The following PDE1C variants were observed in gnomAD, a reference collection of about 807,000 sequenced individuals.
PDE1C encodes the protein phosphodiesterase 1C.
Under a neutral mutation model 93.1 loss-of-function variants are expected in PDE1C, and 62 were observed. The observed-to-expected ratio is 0.67, with a 90% CI of 0.54 to 0.82. The LOEUF is 0.82. Ranked by LOEUF, PDE1C falls within the 40% of genes least tolerant of loss-of-function variation. The pLI, the probability that PDE1C is intolerant of heterozygous loss-of-function variation, is 0.00. For missense variants in PDE1C, 742 were observed against 884.6 expected (o/e 0.84, Z 2.04); for synonymous variants, 325 against 310.1 (o/e 1.05, Z -0.50).
At chr7:31,890,603 C>T (rs1798499941) in intron 2 of PDE1C, among the ~76,000 whole-genome samples, 1 of 152,194 alleles carries the variant, frequency 6.6e-6, no homozygotes, top group Admixed American at 6.5e-5. Flanking sequence ...AAAGCTCCCT[C>T]AGCCAGCAAA....
At chr7:32,314,428 C>G (rs1441201125) in intron 1 of PDE1C, among the ~76,000 whole-genome samples, 1 of 152,130 alleles carries the variant, frequency 6.6e-6, no homozygotes, top group Non-Finnish European at 1.5e-5. Flanking sequence ...GGGGAACATG[C>G]AATTAAAACA....
the PDE1C span, among the ~76,000 whole-genome samples, chr7:31,708,909 C>T: frequency 6.6e-6 from 1 of 152,176 alleles, no homozygotes; most frequent in Admixed American, 6.5e-5. Flanking sequence ...ACTTCTGATG[C>T]CCCAGCCACA....
intron 1 of PDE1C, among the ~76,000 whole-genome samples, chr7:32,282,851 A>G (rs375851723): frequency 5.9e-5 from 9 of 152,258 alleles, no homozygotes; most frequent in Admixed American, 3.3e-4. Context: ...AAGTGCTGAC[A>G]TTACAGGCAT....
intron 1 of PDE1C, among the ~76,000 whole-genome samples, chr7:32,242,220 C>T (rs932678944): frequency 6.6e-6 from 1 of 152,016 alleles, no homozygotes; most frequent in African/African-American, 2.4e-5. Flanking sequence ...AATGGTAGCC[C>T]ATGAAAACAA....
At chr7:31,963,138 T>C (rs999700361) in intron 2 of PDE1C, among the ~76,000 whole-genome samples, 10 of 152,136 alleles carry the variant, frequency 6.6e-5, no homozygotes, top group African/African-American at 2.2e-4. Flanking sequence ...ACATCATTAA[T>C]AAAAATAAAA....
the PDE1C span, among the ~76,000 whole-genome samples, chr7:31,682,937 TAGAG>T: frequency 3.3e-5 from 5 of 152,020 alleles, no homozygotes; most frequent in Non-Finnish European, 7.4e-5. Flanking sequence ...AATAAAATGA[TAGAG>T]AGAGAGGACA....
At chr7:31,879,469 T>A (rs1796988678) in intron 3 of PDE1C, among the ~76,000 whole-genome samples, 2 of 152,346 alleles carry the variant, frequency 1.3e-5, no homozygotes, top group South Asian at 4.1e-4. Flanking sequence ...GAGTGAAATT[T>A]AAACCTTCTA....
At chr7:32,048,919 C>T (rs1221690144) in intron 2 of PDE1C, among the ~76,000 whole-genome samples, 1 of 152,132 alleles carries the variant, frequency 6.6e-6, no homozygotes, top group East Asian at 1.9e-4. Flanking sequence ...CAACAGCATT[C>T]ACGTCAGATA....
intron 2 of PDE1C, among the ~76,000 whole-genome samples, chr7:31,906,631 A>G (rs1480723611): frequency 6.6e-6 from 1 of 152,262 alleles, no homozygotes; most frequent in East Asian, 1.9e-4. Context: ...GGAACCTTCA[A>G]GTTGGGTGAG....
At chr7:32,420,734 G>A (rs1463728343) in intron 1 of PDE1C, among the ~76,000 whole-genome samples, 8 of 150,158 alleles carry the variant, frequency 5.3e-5, no homozygotes, top group Non-Finnish European at 1.2e-4. Context: ...TTTTTTTTAA[G>A]TATCTTTACT....
At chr7:31,729,856 T>C in the PDE1C span, among the ~76,000 whole-genome samples, 77 of 152,316 alleles carry the variant, frequency 5.1e-4, no homozygotes, top group African/African-American at 1.7e-3. Flanking sequence ...CTCAGGAGCC[T>C]TCTGTAGACA....
rs569177023 is a variant in PDE1C at position 32,211,010 on chromosome 7, C to G, written c.86-1471G>C. On this transcript the variant is annotated intron_variant, in intron 1 of 18. Coordinates refer to the PDE1C transcript ENST00000396193. ...GCGGTCGGGTCACGAGGTCAGGAGA[C>G]CAGCCTGCCCAAGATGGTGAAACCC... Among the ~76,000 whole-genome samples the G allele has an allele frequency of 2.6e-5, 4 of 152,176 alleles. No individual in the cohort carries two copies. The East Asian group carries it at 7.7e-4, about 29-fold the overall frequency.
intron 1 of PDE1C, among the ~76,000 whole-genome samples, chr7:32,285,791 AG>A (rs1811961818): frequency 9.8e-6 from 1 of 101,760 alleles, no homozygotes; most frequent in African/African-American, 3.8e-5. Flanking sequence ...AGGGGAGGGG[AG>A]GGGAAGAGAG....
intron 2 of PDE1C, among the ~76,000 whole-genome samples, chr7:32,188,230 T>TA (rs907843867): frequency 5.9e-5 from 9 of 151,482 alleles, no homozygotes; most frequent in East Asian, 3.9e-4. Context: ...GGGATTTTAC[T>TA]AAAAAAAATT....
chr7:32,043,293 C>T lies in PDE1C; in HGVS notation c.128+8261G>A, dbSNP rs142609769. On this transcript the variant is annotated intron_variant, in intron 2 of 17. Transcript: ENST00000396191. ...GAAGTTGAACTTGGCCCCAGCATGG[C>T]GGCCCTCACTAATGACTGATTCAAC... 1.3e-3 allele frequency among the ~76,000 whole-genome samples: 196 copies of T among 152,302 alleles called. 1 individual carries two copies. The highest frequency in any genetic ancestry group is 4.4e-3 in the African/African-American group (185 of 41,580).
the PDE1C span, among the ~76,000 whole-genome samples, chr7:31,625,669 G>A: frequency 6.6e-6 from 1 of 152,078 alleles, no homozygotes; most frequent in Non-Finnish European, 1.5e-5. Flanking sequence ...TATACCTAAT[G>A]CTAGATGACG....
chr7:31,936,009 C>T lies in PDE1C; in HGVS notation c.129-55149G>A, dbSNP rs79334886. On this transcript the variant is annotated intron_variant, in intron 2 of 17. Coordinates refer to ENST00000396191, the MANE Select transcript of PDE1C (RefSeq NM_001191057.4). ...CACAGGGGAACATAGGAGGGAATGC[C>T]GTCTGTAAGATATTCACAGCAACCT... Among the ~76,000 whole-genome samples the T allele has an allele frequency of 7.2e-3, 1,099 of 152,204 alleles. 13 individuals carry two copies. Among genetic ancestry groups the T allele is most frequent in the African/African-American group, 0.025 (1,021 of 41,528 alleles).
chr7:32,190,997 C>G (rs1200653832), intron 2 of PDE1C, among the ~76,000 whole-genome samples: 2 of 151,944 alleles, frequency 1.3e-5, no homozygotes, highest in Non-Finnish European at 2.9e-5. Flanking sequence ...AGTGAAATAT[C>G]CTGGGAGAGC....
the PDE1C span, among the ~76,000 whole-genome samples, chr7:31,711,525 A>G: frequency 6.6e-6 from 1 of 152,176 alleles, no homozygotes; most frequent in African/African-American, 2.4e-5. Context: ...CCAAAAACAC[A>G]GGAGGTTAAA....
Sources: gnomAD v4.1 joint callset for allele counts (sites outside exome capture counted in the v4.1 genomes callset) on GRCh38, gnomAD v4.1.1 for gene constraint, MANE v1.5 for transcripts, NCBI Gene and HGNC (gene_info 2026-07-23, HGNC 2026-07-21) for gene names.